ATP8B4: variants seen among roughly 807,000 people sequenced by gnomAD.
The protein encoded by ATP8B4 is probable phospholipid-transporting ATPase IM.
Under a neutral mutation model 145.6 loss-of-function variants are expected in ATP8B4, and 133 were observed. That is an observed-to-expected ratio of 0.91 (90% CI 0.79 to 1.05). The LOEUF is 1.05. Ranked by LOEUF, ATP8B4 falls within the 50% of genes least tolerant of loss-of-function variation. ATP8B4 has a pLI of 0.00. For synonymous variants in ATP8B4, 507 were observed against 492.9 expected, an observed-to-expected ratio of 1.03 and a Z score of -0.38; for missense variants, 1,458 against 1,425.2, an observed-to-expected ratio of 1.02 and a Z score of -0.37.
At position 49,920,299 on chromosome 15, in the gene ATP8B4, C is replaced by T; in HGVS notation, c.1870G>A (p.Glu624Lys). 2 of 1,614,194 alleles carry T rather than the reference C, an allele frequency of 1.2e-6. No individual in the cohort carries two copies. The highest frequency in any genetic ancestry group is 1.7e-6 in the Non-Finnish European group (2 of 1,180,038). Residue 624 changes from glutamate to lysine, a missense_variant, in exon 18 of 28, where the codon GAG becomes AAG. Coordinates refer to ENST00000284509, the MANE Select transcript of ATP8B4 (RefSeq NM_024837.4). Reference sequence around the variant, plus strand: ...AGCCCAGCTATTCGTTCATCCCTCTCTTCTGTGGCAGCATTCGCATCTTCA... The same window carrying T: ...AGCCCAGCTATTCGTTCATCCCTCTTTTCTGTGGCAGCATTCGCATCTTCA... Reference protein sequence around the residue: ...MLEDANAATEERDERIAGLYE... With the variant: ...MLEDANAATEKRDERIAGLYE...
chr15:49,938,341 C>T (rs1334342184), intron 14 of ATP8B4, among the ~76,000 whole-genome samples: 4 of 152,062 alleles, frequency 2.6e-5, no homozygotes, highest in Admixed American at 2.0e-4. Flanking sequence ...CACACAGAGG[C>T]AAACTGGATA....
At chr15:50,032,050 A>T (rs961403112) in intron 6 of ATP8B4, among the ~76,000 whole-genome samples, 6 of 152,228 alleles carry the variant, frequency 3.9e-5, no homozygotes, top group African/African-American at 1.4e-4. Flanking sequence ...TTTTACTTTA[A>T]GTTCTGGGAT....
chr15:50,037,241 A>T (rs770835785), intron 6 of ATP8B4, among the ~76,000 whole-genome samples: 2 of 152,250 alleles, frequency 1.3e-5, no homozygotes, highest in Non-Finnish European at 2.9e-5. Context: ...GAGACTTCAA[A>T]GTAATGAGAC....
At chr15:50,133,474 A>C (rs539468823) in intron 1 of ATP8B4, among the ~76,000 whole-genome samples, 1 of 151,940 alleles carries the variant, frequency 6.6e-6, no homozygotes, top group Admixed American at 6.6e-5. Flanking sequence ...AGTCCCAGCT[A>C]CTCAGGAGGC....
chr15:49,960,064 G>A (rs1012600318), intron 14 of ATP8B4, among the ~76,000 whole-genome samples: 1 of 141,216 alleles, frequency 7.1e-6, no homozygotes, highest in Non-Finnish European at 1.5e-5. Context: ...CGGAGTCTCT[G>A]TCACCCAGTC....
At chr15:50,146,005 A>T (rs2044271205) in intron 1 of ATP8B4, among the ~76,000 whole-genome samples, 1 of 139,242 alleles carries the variant, frequency 7.2e-6, no homozygotes, top group Non-Finnish European at 1.5e-5. Context: ...TGAACCACAT[A>T]AATGTTTACT....
intron 17 of ATP8B4, 75 bp downstream of exon 17, chr15:49,923,303 AT>A: frequency 1.1e-4 from 114 of 1,018,850 alleles, no homozygotes; most frequent in Middle Eastern, 2.0e-4. Flanking sequence ...TCTAGCTGCT[AT>A]TTTTTTTAAA....
At chr15:50,094,882 T>C (rs2055868398) in intron 2 of ATP8B4, among the ~76,000 whole-genome samples, 1 of 151,900 alleles carries the variant, frequency 6.6e-6, no homozygotes, top group Admixed American at 6.6e-5. Context: ...TAAGTACAAA[T>C]TCCCAAAAGC....
intron 1 of ATP8B4, among the ~76,000 whole-genome samples, chr15:50,117,815 A>T (rs1306990249): frequency 6.6e-6 from 1 of 152,270 alleles, no homozygotes; most frequent in Non-Finnish European, 1.5e-5. Context: ...AATATTATTC[A>T]GCCATGAAAA....
intron 20 of ATP8B4, among the ~76,000 whole-genome samples, chr15:49,915,544 C>G (rs550693517): frequency 4.7e-4 from 71 of 151,996 alleles, no homozygotes; most frequent in African/African-American, 1.5e-3. Flanking sequence ...TACATTCTAT[C>G]CATATAATAA....
At chr15:50,116,461 A>T (rs1595613150) in intron 1 of ATP8B4, among the ~76,000 whole-genome samples, 2 of 152,206 alleles carry the variant, frequency 1.3e-5, no homozygotes, top group African/African-American at 4.8e-5. Context: ...TAGTTTGAAC[A>T]TGTGGGCTTA....
intron 1 of ATP8B4, among the ~76,000 whole-genome samples, chr15:50,152,047 C>T (rs4775863): frequency 0.22 from 33,931 of 151,832 alleles, 4,355 homozygotes; most frequent in East Asian, 0.49. Flanking sequence ...AATTAATTTT[C>T]GTTTTGCCTT....
intron 2 of ATP8B4, among the ~76,000 whole-genome samples, chr15:50,080,949 G>T (rs892724741): frequency 6.6e-6 from 1 of 151,766 alleles, no homozygotes; most frequent in Non-Finnish European, 1.5e-5. Flanking sequence ...CCATCTCTAC[G>T]AAAAATACAA....
At chr15:50,006,501 A>AG (rs2048316783) in intron 7 of ATP8B4, among the ~76,000 whole-genome samples, 2 of 151,164 alleles carry the variant, frequency 1.3e-5, no homozygotes, top group African/African-American at 2.4e-5. Flanking sequence ...AAAAAAAAAA[A>AG]AAAAAAAAAG....
chr15:50,164,551 G>C (rs569472333), intron 1 of ATP8B4, among the ~76,000 whole-genome samples: 1 of 152,094 alleles, frequency 6.6e-6, no homozygotes, highest in Non-Finnish European at 1.5e-5. Flanking sequence ...TCTCTCTACT[G>C]TACTGCCTGG....
intron 16 of ATP8B4, among the ~76,000 whole-genome samples, chr15:49,927,105 T>G (rs1045614104): frequency 3.9e-5 from 6 of 152,282 alleles, no homozygotes; most frequent in African/African-American, 1.4e-4. Flanking sequence ...GTAGAATTGG[T>G]CCTTCCAAAA....
intron 1 of ATP8B4, among the ~76,000 whole-genome samples, chr15:50,173,890 C>T (rs2044725266): frequency 1.3e-5 from 2 of 152,052 alleles, no homozygotes; most frequent in South Asian, 2.1e-4. Context: ...TGCTAAAATC[C>T]TTAACAAAAT....
chr15:49,966,826 G>A (rs1310946549), intron 13 of ATP8B4, among the ~76,000 whole-genome samples: 1 of 152,218 alleles, frequency 6.6e-6, no homozygotes, highest in African/African-American at 2.4e-5. Context: ...CTGACTGGGA[G>A]ACATCTCCCA....
intron 1 of ATP8B4, among the ~76,000 whole-genome samples, chr15:50,172,936 T>C (rs529800975): frequency 1.3e-4 from 17 of 134,878 alleles, no homozygotes; most frequent in East Asian, 7.1e-4. Context: ...GTGAGGAGCG[T>C]CTCCGCCCGG....
Sources: gnomAD v4.1 joint callset for allele counts (sites outside exome capture counted in the v4.1 genomes callset) on GRCh38, gnomAD v4.1.1 for gene constraint, MANE v1.5 for transcripts, NCBI Gene and HGNC (gene_info 2026-07-23, HGNC 2026-07-21) for gene names.